The following PPP1R9A variants were observed in gnomAD, a reference collection of about 807,000 sequenced individuals.
PPP1R9A encodes the protein neurabin-1.
Under a neutral mutation model 141.9 loss-of-function variants are expected in PPP1R9A, and 59 were observed. The ratio of observed to expected loss-of-function variants is 0.42; its 90% confidence interval spans 0.34 to 0.52. The LOEUF (loss-of-function observed/expected upper bound fraction) is 0.52, where lower values mean the gene tolerates loss of function less well. PPP1R9A is among the 20% of genes least tolerant of loss of function. The pLI is 0.10. For synonymous variants in PPP1R9A, 500 were observed against 569.7 expected, an observed-to-expected ratio of 0.88 and a Z score of 1.74; for missense variants, 1,444 against 1,611.9, an observed-to-expected ratio of 0.90 and a Z score of 1.78.
chr7:95,007,333 G>A (rs772163147), intron 2 of PPP1R9A, among the ~76,000 whole-genome samples: 2 of 152,140 alleles, frequency 1.3e-5, no homozygotes, highest in African/African-American at 2.4e-5. Context: ...GTTTAGCAGC[G>A]TTCCCAGCCT....
At chr7:95,080,449 G>C (rs1410907737) in intron 2 of PPP1R9A, among the ~76,000 whole-genome samples, 6 of 152,014 alleles carry the variant, frequency 3.9e-5, no homozygotes, top group Non-Finnish European at 7.4e-5. Context: ...AGGATACAAA[G>C]AAATGGAAGA....
At chr7:95,036,487 A>G (rs1362745091) in intron 2 of PPP1R9A, 1 of 152,186 alleles carries the variant, frequency 6.6e-6, no homozygotes. Context: ...AGAGCCAGTT[A>G]TAGCTAATAT....
At chr7:95,138,175 G>T (rs549137854) in intron 4 of PPP1R9A, among the ~76,000 whole-genome samples, 2 of 151,928 alleles carry the variant, frequency 1.3e-5, no homozygotes, top group Non-Finnish European at 2.9e-5. Flanking sequence ...CTCGTGATCC[G>T]CCCGCCTTGG....
intron 2 of PPP1R9A, among the ~76,000 whole-genome samples, chr7:95,044,431 CAA>C (rs1239981091): frequency 1.1e-4 from 17 of 151,998 alleles, no homozygotes; most frequent in Non-Finnish European, 1.8e-4. Context: ...AATATTATCT[CAA>C]GTTTCTAACT....
At chr7:95,259,001 C>T (rs137964673) in intron 12 of PPP1R9A, among the ~76,000 whole-genome samples, 223 of 152,272 alleles carry the variant, frequency 1.5e-3, no homozygotes, top group African/African-American at 5.3e-3. Context: ...TTCCATGTAG[C>T]ATTGTTTGTA....
At chr7:94,954,522 C>T (rs1180644031) in intron 2 of PPP1R9A, among the ~76,000 whole-genome samples, 1 of 151,700 alleles carries the variant, frequency 6.6e-6, no homozygotes, top group Non-Finnish European at 1.5e-5. Context: ...CTTTTATTTG[C>T]AATATTTTTG....
intron 2 of PPP1R9A, among the ~76,000 whole-genome samples, chr7:94,943,386 T>C (rs1287552720): frequency 6.6e-6 from 1 of 152,242 alleles, no homozygotes. Context: ...AAATGCTTTA[T>C]ATTTTCACAT....
At chr7:95,286,511 C>A (rs1805363138) in intron 18 of PPP1R9A, among the ~76,000 whole-genome samples, 186 bp downstream of exon 18, 2 of 152,126 alleles carry the variant, frequency 1.3e-5, no homozygotes, top group South Asian at 4.1e-4. Flanking sequence ...AAGTCTTGTT[C>A]TTAAGCTTTC....
chr7:95,129,261 A>AT (rs377669447), intron 4 of PPP1R9A, among the ~76,000 whole-genome samples: 157 of 152,190 alleles, frequency 1.0e-3, no homozygotes, highest in African/African-American at 2.6e-3. Flanking sequence ...AGGTGATTGA[A>AT]TTTTGGGGGT....
Position 95,290,161 on chromosome 7 carries a change from T to G in PPP1R9A, c.3983T>G (p.Leu1328Arg). The stretch of plus-strand genomic sequence containing the variant: ...AAACTCAAGGAAATGAAGATGTCTC[T>G]AGAGAAGGCTCGGAAGGCCCAAGAG... ...KKKLKEMKMSLEKARKAQEKM... is the reference protein window; with the variant it reads ...KKKLKEMKMSREKARKAQEKM... The change falls in exon 20 of 20, where the codon CTA (leucine) becomes CGA (arginine). Residue 1328 changes from leucine to arginine, a missense_variant. This residue lies in a region of PPP1R9A where 459 missense variants were observed against 513.8 expected (regional missense o/e 0.89). Coordinates refer to ENST00000433360, the MANE Select transcript of PPP1R9A (RefSeq NM_001166160.2). The G allele has an allele frequency of 1.2e-6, 2 of 1,614,000 alleles. No homozygotes were observed. Among genetic ancestry groups the G allele is most frequent in the Non-Finnish European group, 1.7e-6 (2 of 1,180,010 alleles).
At chr7:94,944,117 A>G (rs10281434) in intron 2 of PPP1R9A, among the ~76,000 whole-genome samples, 12,142 of 152,174 alleles carry the variant, frequency 0.08, 674 homozygotes, top group East Asian at 0.18. Flanking sequence ...GGTAACTGAG[A>G]TATCCATCAC....
At chr7:95,220,325 G>A (rs935696562) in intron 7 of PPP1R9A, among the ~76,000 whole-genome samples, 1 of 152,028 alleles carries the variant, frequency 6.6e-6, no homozygotes, top group African/African-American at 2.4e-5. Flanking sequence ...AAAATACATA[G>A]CACCAAATTC....
intron 2 of PPP1R9A, among the ~76,000 whole-genome samples, chr7:95,044,162 G>T (rs748418703): frequency 3.3e-5 from 5 of 152,272 alleles, no homozygotes; most frequent in Admixed American, 6.5e-5. Context: ...TTTCTGGAGG[G>T]GGTCTGCCAG....
At chr7:95,047,572 T>A (rs1810199412) in intron 2 of PPP1R9A, among the ~76,000 whole-genome samples, 1 of 152,230 alleles carries the variant, frequency 6.6e-6, no homozygotes, top group Non-Finnish European at 1.5e-5. Flanking sequence ...CCAAAAAGAC[T>A]GTTTGAGTAC....
chr7:95,205,267 C>T (rs1790538837), intron 7 of PPP1R9A, among the ~76,000 whole-genome samples: 1 of 151,986 alleles, frequency 6.6e-6, no homozygotes, highest in Non-Finnish European at 1.5e-5. Flanking sequence ...ATTTTCCTTC[C>T]CACTGCCACA....
chr7:95,006,551 G>T (rs1803628648), intron 2 of PPP1R9A, among the ~76,000 whole-genome samples: 1 of 152,132 alleles, frequency 6.6e-6, no homozygotes, highest in African/African-American at 2.4e-5. Context: ...AAGATATTTG[G>T]CTAGGCCTTT....
intron 2 of PPP1R9A, among the ~76,000 whole-genome samples, chr7:94,953,691 A>T (rs1189884504): frequency 1.3e-5 from 2 of 151,966 alleles, no homozygotes; most frequent in African/African-American, 2.4e-5. Flanking sequence ...TGTGAGTTTT[A>T]TTCCTAGGTA....
At chr7:94,996,624 C>G (rs555632550) in intron 2 of PPP1R9A, among the ~76,000 whole-genome samples, 9 of 152,040 alleles carry the variant, frequency 5.9e-5, no homozygotes, top group Non-Finnish European at 1.3e-4. Flanking sequence ...CTTTTGTGAC[C>G]TTCTCTTATT....
At chr7:95,199,363 C>T (rs1789020687) in intron 6 of PPP1R9A, among the ~76,000 whole-genome samples, 1 of 152,052 alleles carries the variant, frequency 6.6e-6, no homozygotes, top group South Asian at 2.1e-4. Context: ...TTCTTCATTC[C>T]AGCTAATATA....
Sources: allele counts gnomAD v4.1 joint callset (sites outside exome capture counted in the v4.1 genomes callset), GRCh38; gene constraint gnomAD v4.1.1; regional missense constraint gnomAD v4.1.1; transcripts MANE v1.5; gene names NCBI Gene and HGNC (gene_info 2026-07-23, HGNC 2026-07-21).